AFDN: variants seen among roughly 807,000 people sequenced by gnomAD.
AFDN encodes afadin, adherens junction formation factor, also known as afadin.
Under a neutral mutation model 216.6 loss-of-function variants are expected in AFDN, and 68 were observed. The observed-to-expected ratio is 0.31, with a 90% CI of 0.26 to 0.38. AFDN has a LOEUF of 0.38. Among genes scored for constraint, AFDN ranks in the 10% least tolerant of loss-of-function variants. The probability of loss-of-function intolerance (pLI) is 1.00; values close to 1 mark genes in which losing one functional copy is unlikely to be tolerated. For missense variants in AFDN, 2,136 were observed against 2,342.0 expected (o/e 0.91, Z 1.82); for synonymous variants, 868 against 853.7 (o/e 1.02, Z -0.29).
intron 30 of AFDN, among the ~76,000 whole-genome samples, chr6:167,953,262 G>T (rs1271878084): frequency 6.6e-6 from 1 of 152,118 alleles, no homozygotes; most frequent in Non-Finnish European, 1.5e-5. Context: ...GAGCTATTAG[G>T]TCAGACATTT....
At chr6:167,902,092 C>CAAAAAA (rs35449284) in intron 11 of AFDN, among the ~76,000 whole-genome samples, 1 of 82,184 alleles carries the variant, frequency 1.2e-5, no homozygotes, top group East Asian at 3.1e-4. Flanking sequence ...GACTTCATCT[C>CAAAAAA]AAAAAAAAAA....
chr6:167,879,499 A>G (rs1343965226), intron 5 of AFDN, among the ~76,000 whole-genome samples: 1 of 152,218 alleles, frequency 6.6e-6, no homozygotes, highest in East Asian at 1.9e-4. Context: ...CTAGGGTCAC[A>G]GTGTCATAAT....
chr6:167,948,294 A>C lies in AFDN; in HGVS notation c.3647A>C (p.Glu1216Ala). Residue 1216 changes from glutamate to alanine, a missense_variant and splice_region_variant, in exon 29 of 34, where the codon GAG becomes GCG. Glu to Ala is a moderately radical substitution (Grantham distance 107). Around this residue, in one of 8 missense-constraint regions of AFDN, gnomAD observed 981 missense variants for 966.0 expected, o/e 1.02. Transcript: ENST00000683244. ...SVSTGNLCTE[E>A]QTPPPRPEAY... is the part of the protein sequence containing the mutation. ...TTTTTTGTTCTTCACATTTTACAGG[A>C]GCAGACGCCTCCGCCTAGACCTGAA... 1 of 1,606,070 alleles carries C rather than the reference A, an allele frequency of 6.2e-7. No homozygotes were observed. The highest frequency in any genetic ancestry group is 1.7e-5 in the Admixed American group (1 of 58,656).
chr6:167,913,938 A>T, intron 16 of AFDN: 1 of 524,644 alleles, frequency 1.9e-6, no homozygotes, highest in Non-Finnish European at 3.4e-6. Flanking sequence ...AGCTAACTGA[A>T]TCCATATGTC....
Position 167,962,446 on chromosome 6 carries a change from A to T in AFDN, c.4847A>T (p.Glu1616Val). 1.2e-6 allele frequency: 2 copies of T among 1,613,694 alleles called. No individual in the cohort carries two copies. The highest frequency in any genetic ancestry group is 1.7e-6 in the Non-Finnish European group (2 of 1,179,834). ...AERRARLQDE[E>V]RRRQQQLEEM... ...GCCTGTTGTTAGTTGCAGGACGAGG[A>T]GCGGAGGCGGCAGCAGCAGTTAGAA... The change falls in exon 31 of 34, where the codon GAG becomes GTG. Residue 1616 changes from glutamate to valine, a missense_variant. Glu to Val is a moderately radical substitution (Grantham distance 121). Transcript: ENST00000683244. This position sits in a 1 kb window ranked among gnomAD's most constrained non-coding sequence, Gnocchi z 5.2.
chr6:167,911,219 T>A, intron 14 of AFDN, 57 bp downstream of exon 14: 1 of 1,602,686 alleles, frequency 6.2e-7, no homozygotes, highest in South Asian at 1.1e-5. Context: ...TTTTACTCCA[T>A]CTGATTTTCA....
intron 20 of AFDN, among the ~76,000 whole-genome samples, chr6:167,917,706 C>T (rs537120992): frequency 7.2e-5 from 11 of 152,284 alleles, no homozygotes; most frequent in Admixed American, 3.9e-4. Flanking sequence ...AAGAGAAATA[C>T]TGTAGACTTA....
At chr6:167,841,461 G>A (rs966192689) in intron 1 of AFDN, among the ~76,000 whole-genome samples, 4 of 151,974 alleles carry the variant, frequency 2.6e-5, no homozygotes, top group African/African-American at 9.7e-5. Context: ...TAAGTGTACT[G>A]GAAGGGAATG....
chr6:167,894,151 T>G (rs557623679), intron 9 of AFDN, among the ~76,000 whole-genome samples: 2 of 152,264 alleles, frequency 1.3e-5, no homozygotes, highest in South Asian at 4.2e-4. Flanking sequence ...GGGAAGGAAC[T>G]GAAGGCAAAA....
At chr6:167,917,477 G>T (rs913599973) in intron 20 of AFDN, among the ~76,000 whole-genome samples, 1 of 152,190 alleles carries the variant, frequency 6.6e-6, no homozygotes, top group Non-Finnish European at 1.5e-5. Context: ...AGGAGAGGAG[G>T]TTAGGAGGCT....
intron 29 of AFDN, 112 bp downstream of exon 29, chr6:167,948,590 C>G (rs1583015221): frequency 9.7e-7 from 1 of 1,030,462 alleles, no homozygotes; most frequent in Admixed American, 2.9e-5. Flanking sequence ...TTTTGTTTTT[C>G]CTTTAATGGT....
intron 23 of AFDN, among the ~76,000 whole-genome samples, chr6:167,938,922 G>T (rs1191093117): frequency 6.6e-6 from 1 of 152,204 alleles, no homozygotes; most frequent in Non-Finnish European, 1.5e-5. Flanking sequence ...AACTGTGTGT[G>T]CAGGGGCTTG....
chr6:167,870,115 G>T (rs1784632240), intron 2 of AFDN, among the ~76,000 whole-genome samples: 1 of 151,932 alleles, frequency 6.6e-6, no homozygotes, highest in African/African-American at 2.4e-5. Flanking sequence ...TTTTCTTATT[G>T]CATGTATATT....
At position 167,851,871 on chromosome 6, in the gene AFDN, C is replaced by T. The variant is rs535738993; in HGVS notation, c.106-12680C>T. Reference sequence around the variant, plus strand: ...AACCAAAGTTCTTGAGTTTTTGTAGCGCATTTTTAAAAAAAACAGGTTTAC... The same window carrying T: ...AACCAAAGTTCTTGAGTTTTTGTAGTGCATTTTTAAAAAAAACAGGTTTAC... On this transcript the variant is annotated intron_variant, in intron 1 of 33. Transcript: ENST00000683244. Among the ~76,000 whole-genome samples, 21 of 152,068 alleles carry T rather than the reference C, an allele frequency of 1.4e-4. No homozygotes were observed. In the South Asian group the frequency reaches 3.9e-3, roughly 29 times the overall value.
At chr6:167,911,862 G>T (rs558964124) in intron 15 of AFDN, 1 of 258,888 alleles carries the variant, frequency 3.9e-6, no homozygotes, top group South Asian at 4.9e-5. Context: ...TCACAGTGTT[G>T]TGCAGCCACC....
intron 26 of AFDN, among the ~76,000 whole-genome samples, chr6:167,944,632 A>G (rs777195773): frequency 1.3e-5 from 2 of 152,162 alleles, no homozygotes; most frequent in Non-Finnish European, 2.9e-5. Context: ...TTATCTCATC[A>G]TTGTATATAC....
intron 1 of AFDN, among the ~76,000 whole-genome samples, chr6:167,839,195 A>G (rs1780777763): frequency 6.6e-6 from 1 of 152,172 alleles, no homozygotes; most frequent in South Asian, 2.1e-4. Context: ...TTTAGTATGT[A>G]ATTACAAATG....
At chr6:167,866,095 T>C (rs1440397159) in intron 2 of AFDN, among the ~76,000 whole-genome samples, 1 of 152,210 alleles carries the variant, frequency 6.6e-6, no homozygotes, top group Non-Finnish European at 1.5e-5. Flanking sequence ...CAAAGAAGAA[T>C]AAAATCTCTC....
chr6:167,894,014 A>G, intron 9 of AFDN, 108 bp downstream of exon 9: 1 of 820,466 alleles, frequency 1.2e-6, no homozygotes, highest in East Asian at 2.7e-5. Context: ...TTTAGTTGAT[A>G]TAAATAACCT....
Sources: gnomAD v4.1 joint callset for allele counts (sites outside exome capture counted in the v4.1 genomes callset) on GRCh38, gnomAD v4.1.1 for gene constraint, gnomAD v4.1.1 regional missense constraint, Gnocchi (gnomAD v3.1) non-coding constraint, MANE v1.5 for transcripts, NCBI Gene and HGNC (gene_info 2026-07-23, HGNC 2026-07-21) for gene names.